Variants in ANKS1B observed in about 807,000 individuals in gnomAD.
The protein encoded by ANKS1B is ankyrin repeat and sterile alpha motif domain containing 1B.
In ANKS1B, 36 loss-of-function variants were observed where a neutral mutation model predicts 148.3. The observed-to-expected ratio is 0.24, with a 90% confidence interval of 0.19 to 0.32. The LOEUF is 0.32. Ranked by LOEUF, ANKS1B falls within the 10% of genes least tolerant of loss-of-function variation. The pLI, the probability that ANKS1B is intolerant of heterozygous loss-of-function variation, is 1.00. For synonymous variants in ANKS1B, 542 were observed against 560.8 expected (o/e 0.97, Z 0.47); for missense variants, 1,157 against 1,542.6 (o/e 0.75, Z 4.19).
At chr12:99,655,719 C>T (rs2098446750) in intron 8 of ANKS1B, among the ~76,000 whole-genome samples, 1 of 152,150 alleles carries the variant, frequency 6.6e-6, no homozygotes. Flanking sequence ...ATATTTAGCA[C>T]ATATATTTTC....
At chr12:98,815,547 C>T (rs2099132533) in intron 19 of ANKS1B, among the ~76,000 whole-genome samples, 1 of 152,220 alleles carries the variant, frequency 6.6e-6, no homozygotes, top group Admixed American at 6.5e-5. Context: ...GGACACCCAG[C>T]TGCCTGCTTG....
At chr12:99,322,355 G>T (rs1035374432) in intron 12 of ANKS1B, among the ~76,000 whole-genome samples, 1 of 151,834 alleles carries the variant, frequency 6.6e-6, no homozygotes, top group African/African-American at 2.4e-5. Flanking sequence ...TGCCTGTTGT[G>T]GGGTGGGGAA....
At chr12:99,315,370 A>T (rs890394306) in intron 12 of ANKS1B, among the ~76,000 whole-genome samples, 2 of 152,130 alleles carry the variant, frequency 1.3e-5, no homozygotes, top group Non-Finnish European at 2.9e-5. Flanking sequence ...AATCTACAAG[A>T]AAAAAACAAC....
chr12:99,774,970 G>T (rs2063522346), intron 7 of ANKS1B, among the ~76,000 whole-genome samples: 1 of 152,048 alleles, frequency 6.6e-6, no homozygotes, highest in African/African-American at 2.4e-5. Context: ...ACAGAGAGTA[G>T]AATGGTGAAT....
chr12:99,903,750 G>A (rs7132991), intron 1 of ANKS1B, among the ~76,000 whole-genome samples: 16 of 151,856 alleles, frequency 1.1e-4, no homozygotes, highest in African/African-American at 2.4e-4. Flanking sequence ...AAAATGGGAG[G>A]GGGGGAGAGG....
At chr12:99,683,950 G>C (rs2098635513) in intron 8 of ANKS1B, among the ~76,000 whole-genome samples, 1 of 151,808 alleles carries the variant, frequency 6.6e-6, no homozygotes, top group South Asian at 2.1e-4. Context: ...GGCATAGAAG[G>C]GACATATCTT....
chr12:99,922,734 G>A (rs1210951522), intron 1 of ANKS1B, among the ~76,000 whole-genome samples: 1 of 152,082 alleles, frequency 6.6e-6, no homozygotes, highest in African/African-American at 2.4e-5. Context: ...AGTGTTGAGA[G>A]GTGAGAAATT....
intron 15 of ANKS1B, among the ~76,000 whole-genome samples, chr12:99,152,545 T>C (rs2075219502): frequency 6.6e-6 from 1 of 152,170 alleles, no homozygotes; most frequent in South Asian, 2.1e-4. Flanking sequence ...TGAATGCTTA[T>C]TTGAAACCTG....
chr12:99,550,741 C>G (rs2097210432), intron 9 of ANKS1B, among the ~76,000 whole-genome samples: 1 of 151,994 alleles, frequency 6.6e-6, no homozygotes, highest in African/African-American at 2.4e-5. Context: ...GTTTAAGACA[C>G]ATTACCTACC....
intron 12 of ANKS1B, among the ~76,000 whole-genome samples, chr12:99,339,881 T>C (rs532786837): frequency 1.3e-5 from 2 of 152,240 alleles, no homozygotes; most frequent in South Asian, 4.2e-4. Flanking sequence ...CAGACCATAG[T>C]AGTTCCTAGG....
chr12:99,324,312 T>C (rs1221312719), intron 12 of ANKS1B, among the ~76,000 whole-genome samples: 1 of 152,144 alleles, frequency 6.6e-6, no homozygotes, highest in East Asian at 1.9e-4. Context: ...GGTGGGAAAT[T>C]GTGGCACAGA....
chr12:99,547,549 C>G (rs2097182353), intron 9 of ANKS1B, among the ~76,000 whole-genome samples: 1 of 152,058 alleles, frequency 6.6e-6, no homozygotes, highest in South Asian at 2.1e-4. Flanking sequence ...CTGAATCCAC[C>G]CAAAGTGAGG....
At chr12:99,289,964 C>A (rs187627698) in intron 12 of ANKS1B, among the ~76,000 whole-genome samples, 3 of 150,922 alleles carry the variant, frequency 2.0e-5, no homozygotes, top group South Asian at 2.1e-4. Context: ...AAGAATAATA[C>A]AAAACGTCAA....
chr12:99,046,072 A>G (rs145244095), intron 17 of ANKS1B, among the ~76,000 whole-genome samples: 176 of 152,352 alleles, frequency 1.2e-3, no homozygotes, highest in African/African-American at 3.9e-3. Flanking sequence ...TTTGAAAACT[A>G]TTCAAATTGG....
At chr12:98,986,222 G>T (rs982494498) in intron 17 of ANKS1B, among the ~76,000 whole-genome samples, 19 of 150,842 alleles carry the variant, frequency 1.3e-4, no homozygotes, top group African/African-American at 4.6e-4. Context: ...TATTAATTCT[G>T]CTTGGTGTTC....
At chr12:99,486,455 C>CTTGCTTAT (rs1392945522) in intron 10 of ANKS1B, among the ~76,000 whole-genome samples, 247 of 146,932 alleles carry the variant, frequency 1.7e-3, no homozygotes, top group Non-Finnish European at 1.8e-3. Flanking sequence ...ATGGCATGTG[C>CTTGCTTAT]TTATTTATTT....
At chr12:99,549,266 G>C (rs180860808) in intron 9 of ANKS1B, among the ~76,000 whole-genome samples, 18 of 152,262 alleles carry the variant, frequency 1.2e-4, no homozygotes, top group Non-Finnish European at 1.9e-4. Flanking sequence ...AGAAATCACA[G>C]TAAGCGTGAT....
intron 12 of ANKS1B, among the ~76,000 whole-genome samples, chr12:99,249,337 C>A (rs185599051): frequency 6.6e-6 from 1 of 152,176 alleles, no homozygotes; most frequent in Non-Finnish European, 1.5e-5. Context: ...AAGTTTTCTG[C>A]AAATATTATT....
At chr12:99,159,361 A>G (rs904233997) in intron 14 of ANKS1B, among the ~76,000 whole-genome samples, 2 of 152,074 alleles carry the variant, frequency 1.3e-5, no homozygotes, top group Non-Finnish European at 2.9e-5. Context: ...TTAGTTTTTC[A>G]TACATTGTCC....
Sources: gnomAD v4.1 joint callset for allele counts (sites outside exome capture counted in the v4.1 genomes callset) on GRCh38, gnomAD v4.1.1 for gene constraint, MANE v1.5 for transcripts, NCBI Gene and HGNC (gene_info 2026-07-23, HGNC 2026-07-21) for gene names.